Variants in RAB6A observed in about 807,000 individuals in gnomAD.
RAB6A encodes RAB6A, member RAS oncogene family.
RAB6A carries 8 observed loss-of-function variants against 32.3 expected under a neutral mutation model. The ratio of observed to expected loss-of-function variants is 0.25; its 90% CI spans 0.15 to 0.45. The LOEUF (loss-of-function observed/expected upper bound fraction) is 0.45, where lower values mean the gene tolerates loss of function less well. RAB6A is among the 20% of genes least tolerant of loss of function. The probability of loss-of-function intolerance (pLI) is 1.00; values close to 1 mark genes in which losing one functional copy is unlikely to be tolerated. For synonymous variants in RAB6A, 73 were observed against 82.1 expected (o/e 0.89, Z 0.60); for missense variants, 104 against 249.4 (o/e 0.42, Z 3.93).
intron 2 of RAB6A, among the ~76,000 whole-genome samples, chr11:73,728,790 T>C (rs1158302558): frequency 6.6e-6 from 1 of 151,964 alleles, no homozygotes; most frequent in Non-Finnish European, 1.5e-5. Flanking sequence ...CTGGGTTGAA[T>C]ATTAGAGTAA....
chr11:73,720,429 G>A (rs924185678), intron 3 of RAB6A, among the ~76,000 whole-genome samples: 7 of 151,766 alleles, frequency 4.6e-5, no homozygotes, highest in African/African-American at 1.5e-4. Context: ...TGATCCACCT[G>A]CCTCAGCCTC....
At chr11:73,684,141 T>C (rs886959886) in intron 6 of RAB6A, among the ~76,000 whole-genome samples, 26 of 150,408 alleles carry the variant, frequency 1.7e-4, no homozygotes, top group Non-Finnish European at 2.9e-4. Context: ...TAATAAAGTA[T>C]TTTTTAATTA....
At chr11:73,694,543 A>C (rs1945627342) in intron 6 of RAB6A, among the ~76,000 whole-genome samples, 1 of 152,218 alleles carries the variant, frequency 6.6e-6, no homozygotes, top group Non-Finnish European at 1.5e-5. Flanking sequence ...AGTACACATA[A>C]ATGACAGACA....
chr11:73,709,961 A>ATT (rs776254550), intron 5 of RAB6A, among the ~76,000 whole-genome samples: 1 of 81,740 alleles, frequency 1.2e-5, no homozygotes, highest in South Asian at 3.2e-4. Flanking sequence ...ATATATATAT[A>ATT]TTTTTTTTTT....
chr11:73,697,861 A>G (rs1945679746), intron 6 of RAB6A, among the ~76,000 whole-genome samples: 1 of 152,240 alleles, frequency 6.6e-6, no homozygotes, highest in Non-Finnish European at 1.5e-5. Context: ...AACCTGATCA[A>G]TATAATTTCT....
chr11:73,682,825 C>T (rs1458074010), intron 6 of RAB6A, among the ~76,000 whole-genome samples: 2 of 152,060 alleles, frequency 1.3e-5, no homozygotes, highest in Non-Finnish European at 2.9e-5. Context: ...TATTATACCC[C>T]GTTTAAACCA....
chr11:73,701,187 T>C (rs924836529), intron 6 of RAB6A, among the ~76,000 whole-genome samples: 44 of 152,228 alleles, frequency 2.9e-4, no homozygotes, highest in African/African-American at 1.1e-3. Flanking sequence ...GTACCTATAG[T>C]ACTGATAAAT....
intron 3 of RAB6A, among the ~76,000 whole-genome samples, chr11:73,719,102 T>G (rs557062570): frequency 1.3e-5 from 2 of 152,252 alleles, no homozygotes; most frequent in Admixed American, 1.3e-4. Context: ...CAAACATAAA[T>G]GACTGGAAAA....
chr11:73,730,967 C>A, intron 1 of RAB6A, 144 bp from the exon 2 acceptor site: 1 of 599,900 alleles, frequency 1.7e-6, no homozygotes. Flanking sequence ...CATATAGCCC[C>A]AAGATTGTCA....
At chr11:73,732,416 C>T (rs1384652754) in intron 1 of RAB6A, among the ~76,000 whole-genome samples, 1 of 152,052 alleles carries the variant, frequency 6.6e-6, no homozygotes, top group Non-Finnish European at 1.5e-5. Flanking sequence ...GAAACTCCAT[C>T]TCTACTAAAA....
At chr11:73,724,055 G>C (rs915467015) in intron 2 of RAB6A, among the ~76,000 whole-genome samples, 1 of 152,098 alleles carries the variant, frequency 6.6e-6, no homozygotes, top group Non-Finnish European at 1.5e-5. Flanking sequence ...AAATTGAACT[G>C]TTTCTCAAAT....
chr11:73,748,171 T>C (rs574350951), intron 1 of RAB6A, among the ~76,000 whole-genome samples: 16 of 152,338 alleles, frequency 1.1e-4, no homozygotes, highest in Non-Finnish European at 2.4e-4. Context: ...TATTTGTTAA[T>C]TGGAATTCTT....
rs774379923 is a variant in RAB6A, at chr11:73,677,891, T to C, written c.*7A>G. 2.5e-5 allele frequency: 41 copies of C among 1,614,000 alleles called. No individual in the cohort carries two copies. The highest frequency in any genetic ancestry group is 1.1e-4 in the African/African-American group (8 of 74,910). On this transcript the variant is annotated 3_prime_UTR_variant, in exon 8 of 8. Coordinates refer to ENST00000336083, the MANE Select transcript of RAB6A (RefSeq NM_198896.2). ...CTTCTGAAGAAGGTTGAAGATGACA[T>C]GGGAGATTAGCAGGAACAGCCTCCT...
At chr11:73,709,772 C>T (rs1353771121) in intron 5 of RAB6A, among the ~76,000 whole-genome samples, 1 of 148,076 alleles carries the variant, frequency 6.8e-6, no homozygotes, top group African/African-American at 2.5e-5. Flanking sequence ...GTAGACAGAG[C>T]TAGAAAATAT....
In RAB6A at chr11:73,745,831, C is replaced by CA. The variant is rs908583054; in HGVS notation, c.70+14734dup. On this transcript the variant is annotated intron_variant, in intron 1 of 7. Transcript: ENST00000336083. ...TGGGTGACAGAGTGAAACTCCATCT[C>CA]AAAAAAAATAAAAAAATTAGCAGGA... Among the ~76,000 whole-genome samples, 17 of 150,700 alleles carry CA rather than the reference C, an allele frequency of 1.1e-4. No individual in the cohort carries two copies. In the East Asian group the frequency reaches 1.9e-3, roughly 17 times the overall value.
intron 2 of RAB6A, among the ~76,000 whole-genome samples, chr11:73,727,157 C>T (rs574772287): frequency 6.6e-6 from 1 of 152,196 alleles, no homozygotes; most frequent in East Asian, 1.9e-4. Flanking sequence ...GCCAGGCATG[C>T]TGGCTCATCC....
chr11:73,760,804 C>T lies in RAB6A; in HGVS notation c.-169G>A. The T allele has an allele frequency of 1.1e-6, 1 of 928,670 alleles. No individual in the cohort carries two copies. The highest frequency in any genetic ancestry group is 3.5e-4 in the Middle Eastern group (1 of 2,888). 57.5% of individuals were successfully genotyped at this position (928,670 alleles called of 1,614,324 possible). ...GGAGGGCAGCAGGACTCTCCACAGA[C>T]TGGCAGCCGCCGCCGCCTCCCGGCA... On this transcript the variant is annotated 5_prime_UTR_variant, in exon 1 of 8. Coordinates refer to ENST00000336083, the MANE Select transcript of RAB6A (RefSeq NM_198896.2).
intron 1 of RAB6A, among the ~76,000 whole-genome samples, chr11:73,756,532 T>C (rs577151678): frequency 6.6e-4 from 101 of 152,330 alleles, no homozygotes; most frequent in Admixed American, 1.8e-3. Context: ...TAATTTATAA[T>C]TGGTAACATG....
At chr11:73,681,800 CTCTG>C (rs929916809) in intron 6 of RAB6A, among the ~76,000 whole-genome samples, 13 of 152,076 alleles carry the variant, frequency 8.5e-5, no homozygotes, top group Non-Finnish European at 1.2e-4. Context: ...CAGAGCAAGA[CTCTG>C]TCTGGAAAAA....
Sources: allele counts gnomAD v4.1 joint callset (sites outside exome capture counted in the v4.1 genomes callset), GRCh38; gene constraint gnomAD v4.1.1; transcripts MANE v1.5; gene names NCBI Gene and HGNC (gene_info 2026-07-23, HGNC 2026-07-21).